Variants in FRY observed in about 807,000 individuals in gnomAD.
The protein encoded by FRY is protein furry homolog.
Under a neutral mutation model 348.4 loss-of-function variants are expected in FRY, and 128 were observed. That is an observed-to-expected ratio of 0.37 (90% confidence interval 0.32 to 0.43). FRY has a LOEUF of 0.43. Among genes scored for constraint, FRY ranks in the 20% least tolerant of loss-of-function variants. FRY has a pLI of 1.00. For missense variants in FRY, 2,736 were observed against 3,695.2 expected (o/e 0.74, Z 6.73); for synonymous variants, 1,370 against 1,374.7 (o/e 1.00, Z 0.08).
At chr13:32,120,633 C>A (rs1006180596) in intron 4 of FRY, among the ~76,000 whole-genome samples, 2 of 152,118 alleles carry the variant, frequency 1.3e-5, no homozygotes, top group Non-Finnish European at 2.9e-5. Flanking sequence ...ACTCTTCCCC[C>A]CAAGTCCCCG....
chr13:32,210,976 T>C lies in FRY; in HGVS notation c.4533T>C (p.Cys1511=), dbSNP rs1389317514. 1 of 1,614,012 alleles carries C rather than the reference T, an allele frequency of 6.2e-7. No homozygotes were observed. Among genetic ancestry groups the C allele is most frequent in the Admixed American group, 1.7e-5 (1 of 60,014 alleles). ...CCGTGAACCCCATCGTCCAGCATTGTGACAACCCGCCCTTCTACCGCTTCA... is the reference window on the plus strand; with the variant it reads ...CCGTGAACCCCATCGTCCAGCATTGCGACAACCCGCCCTTCTACCGCTTCA... ...TEPVNPIVQH[C]DNPPFYRFTA... Residue 1511 remains cysteine (C), a synonymous_variant, in exon 34 of 61, where the codon TGT becomes TGC. Coordinates refer to ENST00000542859, the MANE Select transcript of FRY (RefSeq NM_023037.3).
intron 35 of FRY, among the ~76,000 whole-genome samples, chr13:32,218,475 T>A (rs909158834): frequency 6.6e-6 from 1 of 152,026 alleles, no homozygotes; most frequent in African/African-American, 2.4e-5. Context: ...GGTCAGGAGA[T>A]CGAGACCAGC....
At chr13:32,188,551 A>G (rs993864776) in intron 28 of FRY, among the ~76,000 whole-genome samples, 7 of 152,152 alleles carry the variant, frequency 4.6e-5, no homozygotes, top group Admixed American at 2.0e-4. Flanking sequence ...TGCTTTGGCT[A>G]ACTTTCTCAA....
intron 13 of FRY, among the ~76,000 whole-genome samples, chr13:32,149,525 T>C (rs1238676352): frequency 6.6e-6 from 1 of 152,058 alleles, no homozygotes; most frequent in East Asian, 1.9e-4. Context: ...ACATATTTTG[T>C]ATAATGAAGG....
In FRY at chr13:32,143,168, T is replaced by C. The variant is rs1880188656; in HGVS notation, c.1180-4114T>C. Reference sequence around the variant, plus strand: ...GTGCTATATTATGAAATTTGGACATTGTCCAGTAGGTGATTAGAAGCCTCT... The same window carrying C: ...GTGCTATATTATGAAATTTGGACATCGTCCAGTAGGTGATTAGAAGCCTCT... On this transcript the variant is annotated intron_variant, in intron 11 of 60. Transcript: ENST00000542859. Among the ~76,000 whole-genome samples, 4 of 152,294 alleles carry C rather than the reference T, an allele frequency of 2.6e-5. No individual in the cohort carries two copies. In the South Asian group the frequency reaches 8.3e-4, roughly 32 times the overall value.
chr13:32,254,065 C>T, intron 50 of FRY, 159 bp from the exon 51 acceptor site: 2 of 722,696 alleles, frequency 2.8e-6, no homozygotes, highest in Non-Finnish European at 4.9e-6. Context: ...CTGAAGGCAC[C>T]TGTCCAACAT....
At chr13:32,292,073 C>A in intron 59 of FRY, 1 of 443,642 alleles carries the variant, frequency 2.3e-6, no homozygotes, top group South Asian at 1.6e-5. Context: ...ACTGCCACCT[C>A]CCAGGTTCAA....
At position 32,281,802 on chromosome 13, in the gene FRY, G is replaced by A. The variant is rs140755287; in HGVS notation, c.8469+3254G>A. ...GCAATCCTAGTAAGTCAGGCAAGGC[G>A]GGGAGATTTGTTTAAGTCGTCTGGA... is the stretch of plus-strand genomic sequence containing the variant. On this transcript the variant is annotated intron_variant, in intron 58 of 60. Transcript: ENST00000542859. 4.9e-4 allele frequency among the ~76,000 whole-genome samples: 74 copies of A among 152,288 alleles called. 1 individual carries two copies. In the Middle Eastern group the frequency reaches 0.01, roughly 21 times the overall value.
chr13:32,209,532 TG>T, intron 32 of FRY, 52 bp from the exon 33 acceptor site: 2 of 1,584,562 alleles, frequency 1.3e-6, no homozygotes, highest in Admixed American at 3.3e-5. Flanking sequence ...TCAAACCTTT[TG>T]CGTCCTTACA....
intron 2 of FRY, among the ~76,000 whole-genome samples, chr13:32,092,003 T>G (rs1242081764): frequency 6.6e-6 from 1 of 152,230 alleles, no homozygotes; most frequent in Non-Finnish European, 1.5e-5. Flanking sequence ...TTTAACTAAT[T>G]GAATAATCTC....
intron 29 of FRY, among the ~76,000 whole-genome samples, chr13:32,200,179 C>A (rs1372494172): frequency 1.3e-5 from 2 of 152,122 alleles, no homozygotes; most frequent in Non-Finnish European, 2.9e-5. Flanking sequence ...TACTTAAAGG[C>A]CCCCGTTCTC....
chr13:32,238,507 C>A (rs1886333839), intron 44 of FRY, among the ~76,000 whole-genome samples: 1 of 152,042 alleles, frequency 6.6e-6, no homozygotes, highest in South Asian at 2.1e-4. Flanking sequence ...GGCTGGAGTT[C>A]AGTGGCGTGA....
At chr13:32,043,815 A>G (rs184677516) in intron 1 of FRY, among the ~76,000 whole-genome samples, 11 of 152,352 alleles carry the variant, frequency 7.2e-5, no homozygotes, top group Admixed American at 5.2e-4. Flanking sequence ...TACTCACTCA[A>G]AAAGAAATGG....
intron 1 of FRY, among the ~76,000 whole-genome samples, chr13:32,066,990 T>C (rs1874297242): frequency 6.6e-6 from 1 of 152,268 alleles, no homozygotes; most frequent in Non-Finnish European, 1.5e-5. Flanking sequence ...TTTACTTAAT[T>C]GTGCCATGCA....
intron 31 of FRY, among the ~76,000 whole-genome samples, chr13:32,208,172 C>A (rs1351737377): frequency 6.6e-6 from 1 of 152,218 alleles, no homozygotes; most frequent in Non-Finnish European, 1.5e-5. Context: ...CTTCCACATG[C>A]TTAGCAGTTT....
chr13:32,252,332 C>T lies in FRY; in HGVS notation c.7245+380C>T, dbSNP rs764762576. Among the ~76,000 whole-genome samples the T allele has an allele frequency of 5.9e-5, 9 of 152,052 alleles. No homozygotes were observed. In the South Asian group the frequency reaches 6.2e-4, roughly 10 times the overall value. On this transcript the variant is annotated intron_variant, in intron 50 of 60. Transcript: ENST00000542859. ...GATATAATTTTACTCTCTGTACACA[C>T]GCTTCTTACTCTCATGTCCTTATCT...
chr13:32,251,452 T>C (rs1887079586), intron 49 of FRY, among the ~76,000 whole-genome samples: 1 of 152,198 alleles, frequency 6.6e-6, no homozygotes, highest in Non-Finnish European at 1.5e-5. Context: ...AAGTTTAACA[T>C]ATAAGAAAAG....
chr13:32,103,423 G>A lies in FRY; in HGVS notation c.324+1407G>A, dbSNP rs548165215. ...TCACAAGGACAAAAAACCAAACACC[G>A]CATGTTCTCACTCATAGGTAGGAAT... On this transcript the variant is annotated intron_variant, in intron 3 of 60. Transcript: ENST00000542859. Among the ~76,000 whole-genome samples, 31 of 152,232 alleles carry A rather than the reference G, an allele frequency of 2.0e-4. No homozygotes were observed. In the Middle Eastern group the frequency reaches 0.01, roughly 50 times the overall value.
intron 1 of FRY, among the ~76,000 whole-genome samples, chr13:32,060,649 C>T (rs1201607748): frequency 6.6e-6 from 1 of 152,184 alleles, no homozygotes; most frequent in African/African-American, 2.4e-5. Flanking sequence ...CACAGGAACA[C>T]AACCCCAGCC....
Sources: gnomAD v4.1 joint callset for allele counts (sites outside exome capture counted in the v4.1 genomes callset) on GRCh38, gnomAD v4.1.1 for gene constraint, MANE v1.5 for transcripts, NCBI Gene and HGNC (gene_info 2026-07-23, HGNC 2026-07-21) for gene names.